Variants in FRMPD4 observed in about 807,000 individuals in gnomAD.
FRMPD4 encodes the protein FERM and PDZ domain containing 4, also known as FERM and PDZ domain-containing protein 4.
A neutral mutation model predicts 94.1 loss-of-function variants in FRMPD4; 22 were observed. That is an observed-to-expected ratio of 0.23 (90% CI 0.17 to 0.33). The LOEUF (loss-of-function observed/expected upper bound fraction) is 0.33. Ranked by LOEUF, FRMPD4 falls within the 10% of genes least tolerant of loss-of-function variation. The probability of loss-of-function intolerance (pLI) is 1.00; values close to 1 mark genes in which losing one functional copy is unlikely to be tolerated. For synonymous variants in FRMPD4, 631 were observed against 548.6 expected (o/e 1.15, Z -2.10); for missense variants, 1,111 against 1,339.9 (o/e 0.83, Z 2.67).
At chrX:11,924,570 C>T (rs1283375724) in intron 3 of FRMPD4, among the ~76,000 whole-genome samples, 1 of 112,168 alleles carries the variant, frequency 8.9e-6, no homozygotes, top group Non-Finnish European at 1.9e-5. Flanking sequence ...TCAGCTGAAA[C>T]CCTACAAGCC....
rs151048786 is a variant in FRMPD4, at chrX:12,545,521, G to A, written c.158+46725G>A. On this transcript the variant is annotated intron_variant, in intron 2 of 16. Transcript: ENST00000675598. Reference sequence around the variant, plus strand: ...GGATGGTTGGTGCCCTAGGGCAGTTGCCATGAACCAAGTACAAAAAGAAAA... The same window carrying A: ...GGATGGTTGGTGCCCTAGGGCAGTTACCATGAACCAAGTACAAAAAGAAAA... Among the ~76,000 whole-genome samples, 412 of 112,866 alleles carry A rather than the reference G, an allele frequency of 3.7e-3. 1 individual carries two copies. Among genetic ancestry groups the A allele is most frequent in the Non-Finnish European group, 6.6e-3 (351 of 53,364 alleles).
intron 3 of FRMPD4, among the ~76,000 whole-genome samples, chrX:12,020,920 A>C (rs541416465): frequency 1.8e-5 from 2 of 111,460 alleles, no homozygotes; most frequent in East Asian, 5.6e-4. Context: ...TATTTCTATT[A>C]TTTCCCCCAC....
intron 1 of FRMPD4, among the ~76,000 whole-genome samples, chrX:12,427,550 CAA>C (rs1397205109): frequency 9.0e-6 from 1 of 111,593 alleles, no homozygotes; most frequent in African/African-American, 3.3e-5. Context: ...GGGGAAGACA[CAA>C]TGGAGAAGGC....
intron 1 of FRMPD4, among the ~76,000 whole-genome samples, chrX:12,472,830 C>T (rs1346655246): frequency 3.8e-4 from 42 of 111,148 alleles, no homozygotes; most frequent in South Asian, 7.4e-4. Flanking sequence ...ACCAAATCTA[C>T]GTCTGATTGG....
chrX:12,041,335 T>A (rs1170830705), intron 3 of FRMPD4, among the ~76,000 whole-genome samples: 1 of 112,340 alleles, frequency 8.9e-6, no homozygotes, highest in Non-Finnish European at 1.9e-5. Flanking sequence ...TCATTCAGTA[T>A]TTCTTTTAAG....
intron 1 of FRMPD4, among the ~76,000 whole-genome samples, chrX:12,294,246 A>G (rs914457197): frequency 3.6e-5 from 4 of 111,360 alleles, no homozygotes; most frequent in African/African-American, 6.6e-5. Flanking sequence ...TGTAAAGACT[A>G]TTGCTCCATA....
At chrX:11,907,552 ATCT>A (rs774675684) in intron 3 of FRMPD4, among the ~76,000 whole-genome samples, 8 of 111,902 alleles carry the variant, frequency 7.1e-5, no homozygotes, top group South Asian at 7.5e-4. Flanking sequence ...GCAGACTGCC[ATCT>A]TCTTATTTTC....
chrX:12,073,060 TTATC>T (rs2054983023), intron 3 of FRMPD4, among the ~76,000 whole-genome samples: 1 of 111,614 alleles, frequency 9.0e-6, no homozygotes, highest in Admixed American at 9.6e-5. Context: ...TGTTAAAGGT[TTATC>T]TAAGTTGATA....
At chrX:12,344,366 T>A (rs1299176243) in intron 1 of FRMPD4, among the ~76,000 whole-genome samples, 1 of 111,358 alleles carries the variant, frequency 9.0e-6, no homozygotes, top group Admixed American at 9.5e-5. Flanking sequence ...CAAATCCTAC[T>A]CCCTCCAGTA....
intron 3 of FRMPD4, among the ~76,000 whole-genome samples, chrX:11,980,298 C>T (rs2054390471): frequency 9.0e-6 from 1 of 111,237 alleles, no homozygotes; most frequent in Non-Finnish European, 1.9e-5. Context: ...CGTTTAAGGC[C>T]TTCTTTTTTC....
Position 12,183,124 on chromosome X carries a change from A to ATC in FRMPD4, c.41+44113_41+44114insCT, listed in dbSNP as rs201629745. On this transcript the variant is annotated intron_variant, in intron 1 of 16. Transcript: ENST00000675598. ...TGTCATTGTTGCTATCTATCTATCTATATATATATATGTCAGCACAACTGA... is the reference window on the plus strand; with the variant it reads ...TGTCATTGTTGCTATCTATCTATCTATCTATATATATATGTCAGCACAACTGA... Among the ~76,000 whole-genome samples the ATC allele has an allele frequency of 2.2e-3, 243 of 110,068 alleles. 1 individual carries two copies. The highest frequency in any genetic ancestry group is 7.1e-3 in the African/African-American group (215 of 30,321).
intron 2 of FRMPD4, among the ~76,000 whole-genome samples, chrX:12,569,363 A>G (rs5979660): frequency 0.28 from 30,933 of 111,064 alleles, 3,895 homozygotes; most frequent in African/African-American, 0.5. Flanking sequence ...GTTGTAATTA[A>G]TATTAAAATG....
chrX:12,590,493 TTAATATGAAAACAATGATTC>T (rs1383100399), intron 2 of FRMPD4, among the ~76,000 whole-genome samples: 1 of 111,993 alleles, frequency 8.9e-6, no homozygotes, highest in Non-Finnish European at 1.9e-5. Context: ...TATACCAAGT[TTAATATGAAAACAATGATTC>T]TAAAATTTAT....
chrX:12,308,189 A>T (rs151030860), intron 1 of FRMPD4, among the ~76,000 whole-genome samples: 3,712 of 111,249 alleles, frequency 0.033, 161 homozygotes, highest in African/African-American at 0.11. Flanking sequence ...CTGGCATCTC[A>T]TTAACATCCA....
chrX:12,035,207 A>G (rs1393812059), intron 3 of FRMPD4, among the ~76,000 whole-genome samples: 1 of 111,872 alleles, frequency 8.9e-6, no homozygotes, highest in Non-Finnish European at 1.9e-5. Flanking sequence ...TTTTTGGAGT[A>G]TGTATTTTGG....
intron 2 of FRMPD4, among the ~76,000 whole-genome samples, chrX:12,501,404 G>GT (rs1339011110): frequency 2.8e-5 from 3 of 107,686 alleles, no homozygotes; most frequent in Admixed American, 2.0e-4. Flanking sequence ...TCACTAATGA[G>GT]TTTTATAAAT....
intron 2 of FRMPD4, chrX:12,583,404 G>A: frequency 4.5e-6 from 5 of 1,119,012 alleles, no homozygotes; most frequent in South Asian, 1.8e-5. Context: ...GCCAGTACTG[G>A]GCACACTCAC....
chrX:11,958,064 CT>C (rs2054265890), intron 3 of FRMPD4, among the ~76,000 whole-genome samples: 1 of 111,873 alleles, frequency 8.9e-6, no homozygotes, highest in Non-Finnish European at 1.9e-5. Flanking sequence ...TTTTTGAGCA[CT>C]TAATACATTG....
At chrX:12,349,168 G>C (rs1414374860) in intron 1 of FRMPD4, among the ~76,000 whole-genome samples, 1 of 111,756 alleles carries the variant, frequency 8.9e-6, no homozygotes, top group Non-Finnish European at 1.9e-5. Flanking sequence ...GGCCAGGCCA[G>C]CTGGTAGAGG....
Sources: allele counts gnomAD v4.1 joint callset (sites outside exome capture counted in the v4.1 genomes callset), GRCh38; gene constraint gnomAD v4.1.1; transcripts MANE v1.5; gene names NCBI Gene and HGNC (gene_info 2026-07-23, HGNC 2026-07-21).